The following NEK1 variants were observed in gnomAD, a reference collection of about 807,000 sequenced individuals.
NEK1 encodes NIMA related kinase 1.
In NEK1, 137 loss-of-function variants were observed where a neutral mutation model predicts 182.1. The observed-to-expected ratio is 0.75, with a 90% CI of 0.65 to 0.87. The LOEUF is 0.87. Among genes scored for constraint, NEK1 ranks in the 40% least tolerant of loss-of-function variants. The pLI, the probability that NEK1 is intolerant of heterozygous loss-of-function variation, is 0.00. For synonymous variants in NEK1, 513 were observed against 492.2 expected, an observed-to-expected ratio of 1.04 and a Z score of -0.56; for missense variants, 1,391 against 1,494.4, an observed-to-expected ratio of 0.93 and a Z score of 1.14.
intron 27 of NEK1, among the ~76,000 whole-genome samples, chr4:169,449,092 C>T (rs1383610362): frequency 1.3e-5 from 2 of 152,254 alleles, no homozygotes; most frequent in Non-Finnish European, 2.9e-5. Context: ...AGGCAGCAGC[C>T]TGACTCGGGG....
At chr4:169,556,116 T>C (rs757562226) in intron 16 of NEK1, 21 bp from the exon 17 acceptor site, 1 of 1,600,786 alleles carries the variant, frequency 6.2e-7, no homozygotes, top group African/African-American at 1.3e-5. Flanking sequence ...AACAAAGAGC[T>C]CTCACATGTT....
At chr4:169,523,939 G>A (rs1450406912) in intron 19 of NEK1, among the ~76,000 whole-genome samples, 1 of 152,186 alleles carries the variant, frequency 6.6e-6, no homozygotes. Context: ...AATAAACACA[G>A]TATGATTTAA....
Position 169,507,716 on chromosome 4 carries a change from T to C in NEK1, c.1910A>G (p.Lys637Arg). The C allele has an allele frequency of 6.2e-7, 1 of 1,610,652 alleles. No homozygotes were observed. Among genetic ancestry groups the C allele is most frequent in the Non-Finnish European group, 8.5e-7 (1 of 1,177,406 alleles). Residue 637 changes from lysine to arginine, a missense_variant and splice_region_variant, in exon 22 of 36, where the codon AAG becomes AGG. Physicochemically the swap from Lys to Arg is conservative, Grantham distance 26 (BLOSUM62 2). Around this residue, in one of 5 missense-constraint regions of NEK1, gnomAD observed 1,216 missense variants for 1,277.6 expected, o/e 0.95. Coordinates refer to ENST00000507142, the MANE Select transcript of NEK1 (RefSeq NM_001199397.3). ...DMRRKKIESL[K>R]AHANARAAVL... The stretch of plus-strand genomic sequence containing the variant: ...ACCTGTATCATTTCTAGTCTATACC[T>C]TCAGTGATTCGATTTTTTTGCGCCT...
At chr4:169,466,397 G>A (rs570297663) in intron 26 of NEK1, among the ~76,000 whole-genome samples, 72 of 151,954 alleles carry the variant, frequency 4.7e-4, no homozygotes, top group African/African-American at 1.7e-3. Context: ...AGGCTACAGG[G>A]AAAAATCTGA....
Position 169,544,756 on chromosome 4 carries a change from T to C in NEK1, c.1563-6845A>G, listed in dbSNP as rs569287061. ...AATTTATCCATTTCTTCAGATTTTC[T>C]AGTTTATTTGTGTAGAGGTATTTAT... On this transcript the variant is annotated intron_variant, in intron 18 of 35. Transcript: ENST00000507142. Among the ~76,000 whole-genome samples, 10 of 152,202 alleles carry C rather than the reference T, an allele frequency of 6.6e-5. No individual in the cohort carries two copies. In the South Asian group the frequency reaches 2.1e-3, roughly 32 times the overall value.
chr4:169,509,663 TG>T (rs1265444029), intron 19 of NEK1, among the ~76,000 whole-genome samples: 4 of 152,184 alleles, frequency 2.6e-5, no homozygotes, highest in African/African-American at 9.6e-5. Flanking sequence ...GAGTGATTTT[TG>T]CATTTAACAT....
intron 19 of NEK1, among the ~76,000 whole-genome samples, chr4:169,511,101 CTTG>C (rs907160469): frequency 4.6e-5 from 7 of 152,112 alleles, no homozygotes; most frequent in Admixed American, 2.0e-4. Context: ...ACTGCTTAAA[CTTG>C]TTGTTAAGTC....
chr4:169,606,271 T>TAC (rs1771321944), intron 2 of NEK1, among the ~76,000 whole-genome samples: 1 of 148,474 alleles, frequency 6.7e-6, no homozygotes, highest in African/African-American at 2.5e-5. Context: ...GATTGACCCG[T>TAC]ACATATTTAC....
At chr4:169,547,660 C>G (rs888382074) in intron 18 of NEK1, among the ~76,000 whole-genome samples, 3 of 152,134 alleles carry the variant, frequency 2.0e-5, no homozygotes, top group Non-Finnish European at 4.4e-5. Flanking sequence ...TTCTTGGAGG[C>G]TTTGTTCGTT....
chr4:169,557,101 A>G (rs754885889), intron 16 of NEK1, among the ~76,000 whole-genome samples: 7 of 152,226 alleles, frequency 4.6e-5, no homozygotes, highest in Non-Finnish European at 8.8e-5. Flanking sequence ...AAGGTCAGTA[A>G]GTCAATATTA....
chr4:169,585,456 A>G lies in NEK1; in HGVS notation c.700T>C (p.Leu234=), dbSNP rs1226462749. 1.2e-6 allele frequency: 2 copies of G among 1,613,358 alleles called. No individual in the cohort carries two copies. The highest frequency in any genetic ancestry group is 2.7e-5 in the African/African-American group (2 of 74,908). ...TTTCTTTTAAATAACTGAGACACCA[A>G]ACTGCGGAGATCATAGGAATAATGC... is the stretch of plus-strand genomic sequence containing the variant. ...SLHYSYDLRS[L]VSQLFKRNPR... Residue 234 remains leucine, a synonymous_variant, in exon 10 of 36, where the codon TTG becomes CTG. Transcript: ENST00000507142.
chr4:169,497,920 T>C (rs1204899011), intron 23 of NEK1, among the ~76,000 whole-genome samples: 1 of 152,102 alleles, frequency 6.6e-6, no homozygotes, highest in South Asian at 2.1e-4. Context: ...GTCTATCAGG[T>C]CCCCTTGGTG....
intron 5 of NEK1, among the ~76,000 whole-genome samples, chr4:169,591,642 C>T (rs556010025): frequency 6.6e-6 from 1 of 151,798 alleles, no homozygotes; most frequent in South Asian, 2.1e-4. Flanking sequence ...TCATTGTTAA[C>T]ATCAAAACAA....
chr4:169,577,831 A>C (rs536026084), intron 11 of NEK1, among the ~76,000 whole-genome samples: 17 of 152,136 alleles, frequency 1.1e-4, no homozygotes, highest in African/African-American at 4.1e-4. Flanking sequence ...TCAGAAGATA[A>C]TCAAGAGCCA....
intron 19 of NEK1, among the ~76,000 whole-genome samples, chr4:169,521,516 A>G (rs906896026): frequency 6.6e-6 from 1 of 152,076 alleles, no homozygotes; most frequent in Non-Finnish European, 1.5e-5. Context: ...CTATTCGGCC[A>G]TCTTGGTTCC....
Position 169,602,625 on chromosome 4 carries a change from C to A in NEK1, c.6G>T (p.Glu2Asp), listed in dbSNP as rs1770688565. 6.4e-7 allele frequency: 1 copy of A among 1,561,752 alleles called. No individual in the cohort carries two copies. The highest frequency in any genetic ancestry group is 8.8e-7 in the Non-Finnish European group (1 of 1,134,758). ...CAATCTTCTGTAGTCTAACATACTTCTCCATGATTCTTTTTCTAAGGCATC... is the reference window on the plus strand; with the variant it reads ...CAATCTTCTGTAGTCTAACATACTTATCCATGATTCTTTTTCTAAGGCATC... M[E>D]KYVRLQKIGE... is the part of the protein sequence containing the mutation. The change falls in exon 3 of 36, where the codon GAG (glutamate) becomes GAT (aspartate). Residue 2 changes from glutamate to aspartate, a missense_variant. This residue lies in a region of NEK1 where 42 missense variants were observed against 47.9 expected (regional missense o/e 0.88). Coordinates refer to ENST00000507142, the MANE Select transcript of NEK1 (RefSeq NM_001199397.3).
chr4:169,502,257 T>C (rs1489764219), intron 23 of NEK1, among the ~76,000 whole-genome samples: 1 of 146,948 alleles, frequency 6.8e-6, no homozygotes, highest in East Asian at 2.0e-4. Flanking sequence ...AAAAAAAAAC[T>C]ACCAATCAAA....
chr4:169,498,600 G>T (rs1170616575), intron 23 of NEK1, among the ~76,000 whole-genome samples: 1 of 152,108 alleles, frequency 6.6e-6, no homozygotes, highest in Non-Finnish European at 1.5e-5. Flanking sequence ...GGCAGGCCTG[G>T]TGGTGACAAA....
chr4:169,408,338 T>G (rs1351857337), intron 31 of NEK1, among the ~76,000 whole-genome samples: 2 of 152,214 alleles, frequency 1.3e-5, no homozygotes, highest in Non-Finnish European at 2.9e-5. Context: ...ATCAACTGGA[T>G]AAGCCCTTCA....
Sources: allele counts gnomAD v4.1 joint callset (sites outside exome capture counted in the v4.1 genomes callset), GRCh38; gene constraint gnomAD v4.1.1; regional missense constraint gnomAD v4.1.1; transcripts MANE v1.5; gene names NCBI Gene and HGNC (gene_info 2026-07-23, HGNC 2026-07-21).